The following PDGFD variants were observed in gnomAD, a reference collection of about 807,000 sequenced individuals.
PDGFD encodes platelet-derived growth factor D.
In PDGFD, 30 loss-of-function variants were observed where a neutral mutation model predicts 44.7. The ratio of observed to expected loss-of-function variants is 0.67; its 90% CI spans 0.50 to 0.91. The LOEUF (loss-of-function observed/expected upper bound fraction) is 0.91, where lower values mean the gene tolerates loss of function less well. Among genes scored for constraint, PDGFD ranks in the 40% least tolerant of loss-of-function variants. The pLI is 0.00. For missense variants in PDGFD, 445 were observed against 457.8 expected (o/e 0.97, Z 0.25); for synonymous variants, 173 against 168.4 (o/e 1.03, Z -0.21).
At chr11:103,962,948 A>T (rs1415559998) in intron 3 of PDGFD, among the ~76,000 whole-genome samples, 1 of 152,172 alleles carries the variant, frequency 6.6e-6, no homozygotes, top group Non-Finnish European at 1.5e-5. Flanking sequence ...ATCACCTGTT[A>T]CAAATTCTAG....
chr11:104,082,454 A>G (rs1350063069), intron 1 of PDGFD, among the ~76,000 whole-genome samples: 1 of 151,784 alleles, frequency 6.6e-6, no homozygotes, highest in East Asian at 1.9e-4. Context: ...TTTCCACTAT[A>G]TAGGTTATAG....
intron 1 of PDGFD, among the ~76,000 whole-genome samples, chr11:104,073,247 C>T (rs1860906587): frequency 1.3e-5 from 2 of 152,080 alleles, no homozygotes; most frequent in South Asian, 2.1e-4. Flanking sequence ...CTTAAACAAA[C>T]AATGCAAGTG....
intron 3 of PDGFD, among the ~76,000 whole-genome samples, chr11:103,969,474 G>GTTTTTTTTTTTTTTTTTT (rs66571550): frequency 1.1e-5 from 1 of 89,800 alleles, no homozygotes; most frequent in African/African-American, 4.4e-5. Context: ...ACCAAGCCTG[G>GTTTTTTTTTTTTTTTTTT]TTTTTTTTTT....
intron 1 of PDGFD, among the ~76,000 whole-genome samples, chr11:104,067,114 A>C (rs1860801278): frequency 6.6e-6 from 1 of 152,158 alleles, no homozygotes; most frequent in Non-Finnish European, 1.5e-5. Flanking sequence ...ATTGGGACTA[A>C]AATAAAATGT....
chr11:104,068,115 C>T (rs891921566), intron 1 of PDGFD, among the ~76,000 whole-genome samples: 8 of 152,042 alleles, frequency 5.3e-5, no homozygotes, highest in Non-Finnish European at 1.0e-4. Flanking sequence ...GGCTATATCA[C>T]CTTTCTATTC....
At chr11:104,112,839 C>T (rs115591390) in intron 1 of PDGFD, among the ~76,000 whole-genome samples, 3,174 of 151,990 alleles carry the variant, frequency 0.021, 125 homozygotes, top group African/African-American at 0.072. Flanking sequence ...CATGGACACA[C>T]ATGCAGAAAA....
chr11:104,140,263 A>G (rs933084797), intron 1 of PDGFD, among the ~76,000 whole-genome samples: 3 of 152,316 alleles, frequency 2.0e-5, no homozygotes, highest in African/African-American at 7.2e-5. Flanking sequence ...ACCATAAAAC[A>G]AAGAGCAAAT....
chr11:103,929,988 C>G (rs1312083980), intron 5 of PDGFD, among the ~76,000 whole-genome samples: 1 of 152,140 alleles, frequency 6.6e-6, no homozygotes, highest in Non-Finnish European at 1.5e-5. Context: ...TTCAGAGCAT[C>G]AAGGGTGTTC....
intron 1 of PDGFD, among the ~76,000 whole-genome samples, chr11:104,017,654 T>C (rs1212526886): frequency 1.3e-5 from 2 of 152,208 alleles, no homozygotes; most frequent in Non-Finnish European, 2.9e-5. Context: ...CTTGATCTTT[T>C]CCTCTACCTG....
At chr11:103,974,028 C>T (rs1859144302) in intron 3 of PDGFD, among the ~76,000 whole-genome samples, 1 of 152,010 alleles carries the variant, frequency 6.6e-6, no homozygotes, top group Admixed American at 6.6e-5. Context: ...TACAATCCTG[C>T]AGGCAGAGAG....
chr11:104,020,153 A>G (rs621703), intron 1 of PDGFD, among the ~76,000 whole-genome samples: 30,540 of 151,996 alleles, frequency 0.2, 3,394 homozygotes, highest in African/African-American at 0.3. Context: ...TGCTTCAGAG[A>G]GTAGAAGCAA....
rs1862433366 is a variant in PDGFD, at chr11:104,164,134, A to C, written c.-207T>G. Reference sequence around the variant, plus strand: ...GGTGCCGCACTTCCTTGTGGTGCTGAGCTGATAAATGGTGACGGGACAAAC... The same window carrying C: ...GGTGCCGCACTTCCTTGTGGTGCTGCGCTGATAAATGGTGACGGGACAAAC... On this transcript the variant is annotated 5_prime_UTR_variant, in exon 1 of 7. Transcript: ENST00000393158. 1 of 437,148 alleles carries C rather than the reference A, an allele frequency of 2.3e-6. No individual in the cohort carries two copies. Among genetic ancestry groups the C allele is most frequent in the African/African-American group, 2.0e-5 (1 of 50,170 alleles). 27.1% of individuals were successfully genotyped at this position (437,148 alleles called of 1,614,324 possible).
At chr11:103,965,019 C>T (rs1858993375) in intron 3 of PDGFD, among the ~76,000 whole-genome samples, 2 of 151,298 alleles carry the variant, frequency 1.3e-5, no homozygotes, top group South Asian at 4.2e-4. Flanking sequence ...ATTCTTCTTT[C>T]AACATAAGAT....
At chr11:104,154,768 T>A (rs1004328994) in intron 1 of PDGFD, among the ~76,000 whole-genome samples, 1 of 152,186 alleles carries the variant, frequency 6.6e-6, no homozygotes, top group African/African-American at 2.4e-5. Flanking sequence ...GAGCACAACA[T>A]ATTCAGACAC....
chr11:104,001,455 T>C (rs1362460713), intron 1 of PDGFD, among the ~76,000 whole-genome samples: 1 of 152,236 alleles, frequency 6.6e-6, no homozygotes, highest in Non-Finnish European at 1.5e-5. Flanking sequence ...ATATCAAACC[T>C]GGGGGTTTAT....
rs571387897 is a variant in PDGFD, at chr11:104,038,223, G to A, written c.125-37968C>T. On this transcript the variant is annotated intron_variant, in intron 1 of 6. Transcript: ENST00000393158. ...TTCCCTTGTCCAGAGATCACTGAAAGGCATCCTGGGAAGGCTCTGGAGGCT... is the reference window on the plus strand; with the variant it reads ...TTCCCTTGTCCAGAGATCACTGAAAAGCATCCTGGGAAGGCTCTGGAGGCT... The A allele has an allele frequency of 1.0e-4, 57 of 561,570 alleles. 1 individual carries two copies. The highest frequency in any genetic ancestry group is 9.5e-4 in the Middle Eastern group (2 of 2,100). The allele number at this position is 561,570 out of a possible 1,614,324, so 34.8% of individuals were successfully genotyped here.
chr11:104,104,660 G>T (rs1861447311), intron 1 of PDGFD, among the ~76,000 whole-genome samples: 1 of 152,060 alleles, frequency 6.6e-6, no homozygotes, highest in African/African-American at 2.4e-5. Context: ...ATCTAAGTTT[G>T]TGTGAGTAAA....
At chr11:104,042,011 G>A (rs918792557) in intron 1 of PDGFD, among the ~76,000 whole-genome samples, 7 of 152,156 alleles carry the variant, frequency 4.6e-5, no homozygotes, top group African/African-American at 1.7e-4. Flanking sequence ...CTAGGAAATT[G>A]TATGCAATTA....
chr11:104,135,225 T>C (rs532249443), intron 1 of PDGFD, among the ~76,000 whole-genome samples: 1 of 152,364 alleles, frequency 6.6e-6, no homozygotes, highest in Non-Finnish European at 1.5e-5. Context: ...ACCCTTTCAG[T>C]GGCTATTACA....
Sources: allele counts gnomAD v4.1 joint callset (sites outside exome capture counted in the v4.1 genomes callset), GRCh38; gene constraint gnomAD v4.1.1; transcripts MANE v1.5; gene names NCBI Gene and HGNC (gene_info 2026-07-23, HGNC 2026-07-21).